LRRC1: variants seen among roughly 807,000 people sequenced by gnomAD.
The protein encoded by LRRC1 is leucine-rich repeat-containing protein 1.
In LRRC1, 28 loss-of-function variants were observed where a neutral mutation model predicts 69.9. The observed-to-expected ratio is 0.40, with a 90% CI of 0.30 to 0.55. The LOEUF is 0.55. Among genes scored for constraint, LRRC1 ranks in the 20% least tolerant of loss-of-function variants. LRRC1 has a pLI of 0.47. For synonymous variants in LRRC1, 236 were observed against 240.2 expected, an observed-to-expected ratio of 0.98 and a Z score of 0.16; for missense variants, 498 against 609.0, an observed-to-expected ratio of 0.82 and a Z score of 1.92.
chr6:53,819,859 C>A (rs1765064443), intron 1 of LRRC1, among the ~76,000 whole-genome samples: 1 of 152,172 alleles, frequency 6.6e-6, no homozygotes, highest in South Asian at 2.1e-4. Context: ...GGGCTTAATA[C>A]TTCTATGAAT....
chr6:53,846,409 C>G (rs552524294), intron 2 of LRRC1, among the ~76,000 whole-genome samples: 1 of 152,208 alleles, frequency 6.6e-6, no homozygotes, highest in South Asian at 2.1e-4. Flanking sequence ...ATGTGCTCAG[C>G]AGAGAGGACC....
intron 1 of LRRC1, among the ~76,000 whole-genome samples, chr6:53,818,316 C>A (rs3003495): frequency 0.024 from 3,623 of 152,082 alleles, 54 homozygotes; most frequent in Non-Finnish European, 0.039. Flanking sequence ...TTCTGGCATT[C>A]TGTTTTATAA....
chr6:53,860,565 C>T (rs1405418718), intron 2 of LRRC1, among the ~76,000 whole-genome samples: 1 of 150,208 alleles, frequency 6.7e-6, no homozygotes, highest in Non-Finnish European at 1.5e-5. Flanking sequence ...AAAAGATGTA[C>T]TTGTATTATA....
In LRRC1 at chr6:53,923,901, TA is replaced by T. The variant is rs1768810186; in HGVS notation, c.*1111del. ...ATCTTTATAAGTGCAATTTAATTTGTAAATAGAGTTTGAATCAAAGTATCAC... is the reference window on the plus strand; with the variant it reads ...ATCTTTATAAGTGCAATTTAATTTGTAATAGAGTTTGAATCAAAGTATCAC... On this transcript the variant is annotated 3_prime_UTR_variant, in exon 14 of 14. Coordinates refer to ENST00000370888, the MANE Select transcript of LRRC1 (RefSeq NM_018214.5). 1 of 152,670 alleles carries T rather than the reference TA, an allele frequency of 6.6e-6. No individual in the cohort carries two copies. 9.5% of individuals were successfully genotyped at this position (152,670 alleles called of 1,614,324 possible).
intron 2 of LRRC1, among the ~76,000 whole-genome samples, chr6:53,846,162 A>G (rs1765937475): frequency 6.6e-6 from 1 of 152,236 alleles, no homozygotes. Flanking sequence ...TTTCTGGGCC[A>G]AGAACTGCCA....
chr6:53,921,374 A>G (rs969888710), intron 13 of LRRC1, among the ~76,000 whole-genome samples: 7 of 151,622 alleles, frequency 4.6e-5, no homozygotes, highest in African/African-American at 1.5e-4. Flanking sequence ...CTTTTTTTTT[A>G]ATTGTTCCCA....
rs1350584427 is a variant in LRRC1, at chr6:53,795,079, C to A, written c.-178C>A. The A allele has an allele frequency of 3.6e-6, 2 of 556,394 alleles. No homozygotes were observed. The highest frequency in any genetic ancestry group is 4.7e-5 in the South Asian group (2 of 42,190). The allele number at this position is 556,394 out of a possible 1,614,324, so 34.5% of individuals were successfully genotyped here. A position where few individuals can be genotyped will look rare whatever the true frequency, so the allele number is the denominator to read the frequency against. On this transcript the variant is annotated 5_prime_UTR_variant, in exon 1 of 14. Coordinates refer to ENST00000370888, the MANE Select transcript of LRRC1 (RefSeq NM_018214.5). ...GGTACAGGGACGGGGCAGGGGCTCC[C>A]GCTCCAGGTTCCTTGAAGCACTTCC...
rs1562066499 is a variant in LRRC1 at position 53,900,041 on chromosome 6, T to TTTG, written c.787+152_787+153insGTT. 6.7e-5 allele frequency: 45 copies of TTTG among 668,958 alleles called. No individual in the cohort carries two copies. The African/African-American group carries it at 1.1e-3, about 16-fold the overall frequency. 41.4% of individuals were successfully genotyped at this position (668,958 alleles called of 1,614,324 possible). A position where few individuals can be genotyped will look rare whatever the true frequency, so the allele number is the denominator to read the frequency against. On this transcript the variant is annotated intron_variant, in intron 8 of 13. Transcript: ENST00000370888. ...TACTGTTTTTTTTTTTTTTTTTTTT[T>TTTG]TTTTTTTTTTTTCTGAGATGGAGTC...
chr6:53,907,266 A>G (rs1038409519), intron 10 of LRRC1, among the ~76,000 whole-genome samples: 1 of 152,322 alleles, frequency 6.6e-6, no homozygotes, highest in South Asian at 2.1e-4. Context: ...TGACCGATTC[A>G]ATTCATATGC....
At chr6:53,809,549 G>A (rs1195260191) in intron 1 of LRRC1, among the ~76,000 whole-genome samples, 1 of 152,188 alleles carries the variant, frequency 6.6e-6, no homozygotes, top group Non-Finnish European at 1.5e-5. Flanking sequence ...TGTTTAAAAG[G>A]AAATTTTGTA....
intron 1 of LRRC1, among the ~76,000 whole-genome samples, chr6:53,803,467 A>C (rs907724575): frequency 6.6e-6 from 1 of 152,182 alleles, no homozygotes; most frequent in African/African-American, 2.4e-5. Flanking sequence ...TCCTAAATGC[A>C]TAGGAGAAAC....
At chr6:53,811,723 A>G (rs188395305) in intron 1 of LRRC1, among the ~76,000 whole-genome samples, 13 of 152,354 alleles carry the variant, frequency 8.5e-5, no homozygotes, top group South Asian at 4.1e-4. Context: ...ACAGATGGGA[A>G]AACTAAGGCT....
intron 1 of LRRC1, among the ~76,000 whole-genome samples, chr6:53,840,929 C>T (rs199805635): frequency 0.015 from 1,500 of 97,850 alleles, 16 homozygotes; most frequent in East Asian, 0.086. Flanking sequence ...TGTGTGTGTG[C>T]GTGCGCGCAC....
At chr6:53,921,078 C>T (rs1360325828) in intron 13 of LRRC1, among the ~76,000 whole-genome samples, 3 of 152,108 alleles carry the variant, frequency 2.0e-5, no homozygotes, top group Non-Finnish European at 4.4e-5. Flanking sequence ...AGCCATCCCC[C>T]GACCTCAGCC....
chr6:53,808,565 G>T (rs1309954077), intron 1 of LRRC1, among the ~76,000 whole-genome samples: 2 of 152,062 alleles, frequency 1.3e-5, no homozygotes, highest in East Asian at 1.9e-4. Context: ...ACATAAACTG[G>T]TTTATTTTAC....
intron 13 of LRRC1, among the ~76,000 whole-genome samples, chr6:53,922,376 A>G (rs927350046): frequency 6.6e-6 from 1 of 152,096 alleles, no homozygotes; most frequent in African/African-American, 2.4e-5. Flanking sequence ...TAGTAATTTC[A>G]TATTTTTATA....
rs1768782636 is a variant in LRRC1, at chr6:53,922,911, G to A, written c.*118G>A. On this transcript the variant is annotated 3_prime_UTR_variant, in exon 14 of 14. Coordinates refer to ENST00000370888, the MANE Select transcript of LRRC1 (RefSeq NM_018214.5). ...ACCAGCCCCCGCGCGCCATCTTCCC[G>A]TGGAGTGTGGGGAAGCTGCTGTCTC... 9.5e-6 allele frequency: 9 copies of A among 943,870 alleles called. No homozygotes were observed. Among genetic ancestry groups the A allele is most frequent in the Middle Eastern group, 2.5e-4 (1 of 4,054 alleles). 58.5% of individuals were successfully genotyped at this position (943,870 alleles called of 1,614,324 possible). A position where few individuals can be genotyped will look rare whatever the true frequency, so the allele number is the denominator to read the frequency against.
chr6:53,846,495 C>T (rs1200199751), intron 2 of LRRC1, among the ~76,000 whole-genome samples: 3 of 152,184 alleles, frequency 2.0e-5, no homozygotes, highest in Non-Finnish European at 4.4e-5. Flanking sequence ...GCTGGGCCTT[C>T]TTTTGCGGAG....
chr6:53,877,838 C>A (rs1767125494), intron 2 of LRRC1, among the ~76,000 whole-genome samples: 1 of 152,236 alleles, frequency 6.6e-6, no homozygotes, highest in Non-Finnish European at 1.5e-5. Flanking sequence ...GCCCTCCAGA[C>A]TGCTCCAGCC....
Sources: gnomAD v4.1 joint callset for allele counts (sites outside exome capture counted in the v4.1 genomes callset) on GRCh38, gnomAD v4.1.1 for gene constraint, MANE v1.5 for transcripts, NCBI Gene and HGNC (gene_info 2026-07-23, HGNC 2026-07-21) for gene names.